Variants in EHBP1 observed in about 807,000 individuals in gnomAD.
EHBP1 encodes the protein EH domain-binding protein 1.
EHBP1 carries 55 observed loss-of-function variants against 144.0 expected under a neutral mutation model. The observed-to-expected ratio is 0.38, with a 90% CI of 0.31 to 0.48. The LOEUF is 0.48. Ranked by LOEUF, EHBP1 falls within the 20% of genes least tolerant of loss-of-function variation. The pLI, the probability that EHBP1 is intolerant of heterozygous loss-of-function variation, is 0.98. For synonymous variants in EHBP1, 469 were observed against 472.7 expected, an observed-to-expected ratio of 0.99 and a Z score of 0.10; for missense variants, 1,200 against 1,364.2, an observed-to-expected ratio of 0.88 and a Z score of 1.90.
At chr2:62,741,767 A>G (rs533415436) in intron 2 of EHBP1, among the ~76,000 whole-genome samples, 144 of 152,282 alleles carry the variant, frequency 9.5e-4, no homozygotes, top group Non-Finnish European at 1.7e-3. Context: ...CTGTGACTTG[A>G]AAATATTCAG....
intron 2 of EHBP1, among the ~76,000 whole-genome samples, chr2:62,734,077 C>G (rs1347903963): frequency 6.6e-6 from 1 of 152,150 alleles, no homozygotes; most frequent in African/African-American, 2.4e-5. Context: ...CTTCCAGGCT[C>G]CTGACATGCT....
intron 16 of EHBP1, among the ~76,000 whole-genome samples, chr2:62,992,061 T>C (rs1204771039): frequency 1.3e-5 from 2 of 152,122 alleles, no homozygotes; most frequent in East Asian, 1.9e-4. Context: ...ACTGAATTAG[T>C]GGGTTTAGAG....
At chr2:62,941,674 T>C (rs2056764033) in intron 10 of EHBP1, among the ~76,000 whole-genome samples, 1 of 152,144 alleles carries the variant, frequency 6.6e-6, no homozygotes, top group African/African-American at 2.4e-5. Context: ...GTAGTAAGAA[T>C]GCTTTGCTTT....
At chr2:62,987,916 T>C (rs2059263528) in intron 15 of EHBP1, 2 of 1,324,832 alleles carry the variant, frequency 1.5e-6, no homozygotes, top group East Asian at 4.7e-5. Context: ...ACATTATTGC[T>C]ACATGTTCCT....
chr2:62,811,699 C>T (rs1399853701), intron 5 of EHBP1, among the ~76,000 whole-genome samples: 1 of 152,144 alleles, frequency 6.6e-6, no homozygotes, highest in African/African-American at 2.4e-5. Flanking sequence ...ATAAGGTGTT[C>T]TTGCATTGGG....
intron 1 of EHBP1, among the ~76,000 whole-genome samples, chr2:62,698,508 C>T (rs755976641): frequency 1.3e-5 from 2 of 152,152 alleles, no homozygotes; most frequent in African/African-American, 4.8e-5. Flanking sequence ...AGGATTTCTT[C>T]GGAAGATTGA....
chr2:62,825,902 T>G (rs2046312552), intron 5 of EHBP1, among the ~76,000 whole-genome samples, 185 bp from the exon 6 acceptor site: 1 of 152,128 alleles, frequency 6.6e-6, no homozygotes, highest in African/African-American at 2.4e-5. Flanking sequence ...ATATCTGCCT[T>G]ACTTATAAAT....
intron 2 of EHBP1, among the ~76,000 whole-genome samples, chr2:62,714,387 G>T (rs1227107582): frequency 6.6e-6 from 1 of 152,164 alleles, no homozygotes; most frequent in Non-Finnish European, 1.5e-5. Context: ...AACTACATAA[G>T]TAACAGAGAA....
intron 2 of EHBP1, among the ~76,000 whole-genome samples, chr2:62,737,181 C>T (rs1481220895): frequency 1.3e-5 from 2 of 152,188 alleles, no homozygotes; most frequent in Non-Finnish European, 2.9e-5. Flanking sequence ...TCTAGTTAAA[C>T]AGTTTCTCTT....
chr2:63,045,125 G>T lies in EHBP1; in HGVS notation c.3337G>T (p.Ala1113Ser). Residue 1113 changes from alanine to serine, a missense_variant, in exon 22 of 23, where the codon GCC (alanine) becomes TCC (serine). Physicochemically the swap from Ala to Ser is moderately conservative, Grantham distance 99 (BLOSUM62 1). Around this residue, in one of 6 missense-constraint regions of EHBP1, gnomAD observed 149 missense variants for 217.0 expected, o/e 0.69. Transcript: ENST00000431489. The surrounding 1 kb of genome is among the most constrained non-coding windows in gnomAD (Gnocchi z 5.7). ...REQLLLDELVALVNKRDALVR... is the reference protein window; with the variant it reads ...REQLLLDELVSLVNKRDALVR... ...ACAGCTTCTGCTAGATGAGCTGGTG[G>T]CCCTGGTGAACAAGCGCGATGCGCT... 1 of 1,597,186 alleles carries T rather than the reference G, an allele frequency of 6.3e-7. No individual in the cohort carries two copies. Among genetic ancestry groups the T allele is most frequent in the East Asian group, 2.3e-5 (1 of 44,034 alleles).
chr2:62,986,746 T>G (rs1336320905), intron 15 of EHBP1, among the ~76,000 whole-genome samples: 1 of 152,138 alleles, frequency 6.6e-6, no homozygotes, highest in Non-Finnish European at 1.5e-5. Context: ...CAATCTTTTT[T>G]CTTTATTGTT....
chr2:62,777,192 A>C (rs2042108665), intron 5 of EHBP1, among the ~76,000 whole-genome samples: 1 of 152,038 alleles, frequency 6.6e-6, no homozygotes, highest in Non-Finnish European at 1.5e-5. Flanking sequence ...GGCTGTTTTG[A>C]ACCGCTGAGC....
At chr2:62,699,770 A>G (rs1209074833) in intron 1 of EHBP1, among the ~76,000 whole-genome samples, 4 of 152,210 alleles carry the variant, frequency 2.6e-5, no homozygotes, top group African/African-American at 9.6e-5. Flanking sequence ...CTAAGCTTCT[A>G]GTCATTCACT....
At chr2:62,720,312 C>T (rs1039525279) in intron 2 of EHBP1, among the ~76,000 whole-genome samples, 8 of 152,112 alleles carry the variant, frequency 5.3e-5, no homozygotes, top group African/African-American at 1.9e-4. Context: ...CCCCTCTGGT[C>T]TCCCCTTTGC....
At chr2:62,727,163 C>T (rs940353027) in intron 2 of EHBP1, among the ~76,000 whole-genome samples, 5 of 152,160 alleles carry the variant, frequency 3.3e-5, no homozygotes, top group African/African-American at 4.8e-5. Flanking sequence ...GCCCGGCCTA[C>T]AAGAACTATT....
At chr2:62,720,918 A>G (rs2036163983) in intron 2 of EHBP1, among the ~76,000 whole-genome samples, 2 of 152,232 alleles carry the variant, frequency 1.3e-5, no homozygotes, top group South Asian at 2.1e-4. Flanking sequence ...CTTGATATAG[A>G]GAGTTCTTAC....
At chr2:62,750,576 T>G (rs1309287496) in intron 3 of EHBP1, among the ~76,000 whole-genome samples, 1 of 152,252 alleles carries the variant, frequency 6.6e-6, no homozygotes, top group Non-Finnish European at 1.5e-5. Context: ...CCTTGGGCAG[T>G]ATGGCCATTT....
chr2:63,026,816 A>G (rs375924832), intron 19 of EHBP1, among the ~76,000 whole-genome samples: 6 of 152,198 alleles, frequency 3.9e-5, no homozygotes, highest in Non-Finnish European at 8.8e-5. Flanking sequence ...GACTCCTCCT[A>G]TGAAGAATGG....
chr2:62,697,663 C>T (rs2034148152), intron 1 of EHBP1, among the ~76,000 whole-genome samples: 1 of 152,146 alleles, frequency 6.6e-6, no homozygotes, highest in African/African-American at 2.4e-5. Flanking sequence ...TACCAGAATG[C>T]TTTGACCTTA....
Sources: gnomAD v4.1 joint callset for allele counts (sites outside exome capture counted in the v4.1 genomes callset) on GRCh38, gnomAD v4.1.1 for gene constraint, gnomAD v4.1.1 regional missense constraint, Gnocchi (gnomAD v3.1) non-coding constraint, MANE v1.5 for transcripts, NCBI Gene and HGNC (gene_info 2026-07-23, HGNC 2026-07-21) for gene names.